The following PREX1 variants were observed in gnomAD, a reference collection of about 807,000 sequenced individuals.
PREX1 encodes the protein phosphatidylinositol 3,4,5-trisphosphate-dependent Rac exchanger 1 protein.
A neutral mutation model predicts 198.3 loss-of-function variants in PREX1; 41 were observed. The ratio of observed to expected loss-of-function variants is 0.21; its 90% CI spans 0.16 to 0.27. PREX1 has a LOEUF of 0.27. PREX1 is among the 10% of genes least tolerant of loss of function. PREX1 has a pLI of 1.00. For synonymous variants in PREX1, 843 were observed against 887.2 expected, an observed-to-expected ratio of 0.95 and a Z score of 0.89; for missense variants, 1,620 against 2,200.7, an observed-to-expected ratio of 0.74 and a Z score of 5.28.
chr20:48,833,806 G>A, the PREX1 span, among the ~76,000 whole-genome samples: 8 of 152,210 alleles, frequency 5.3e-5, no homozygotes, highest in Middle Eastern at 6.8e-3. Context: ...AATGCCAGCC[G>A]GGCGCGGTGG....
intron 30 of PREX1, among the ~76,000 whole-genome samples, chr20:48,639,323 G>A (rs552133783): frequency 6.6e-6 from 1 of 152,332 alleles, no homozygotes; most frequent in South Asian, 2.1e-4. Context: ...TGTCAAGCTG[G>A]AAGCAGAGTC....
chr20:48,852,701 T>C, the PREX1 span, among the ~76,000 whole-genome samples: 32,573 of 152,122 alleles, frequency 0.21, 3,818 homozygotes, highest in African/African-American at 0.31. Flanking sequence ...CACCCAGTGA[T>C]GTATGTACAA....
rs56182314 is a variant in PREX1, at chr20:48,696,606, CACATACATACAT to C, written c.918-3828_918-3817del. On this transcript the variant is annotated intron_variant, in intron 7 of 39. Coordinates refer to ENST00000371941, the MANE Select transcript of PREX1 (RefSeq NM_020820.4). ...AGTCAGCTGATCATTTACACACACACACATACATACATACATACATACATACATACATACACA... is the reference window on the plus strand; with the variant it reads ...AGTCAGCTGATCATTTACACACACACACATACATACATACATACATACACA... 5.4e-3 allele frequency among the ~76,000 whole-genome samples: 772 copies of C among 142,924 alleles called. 4 individuals are homozygous for C. Among genetic ancestry groups the C allele is most frequent in the East Asian group, 0.045 (229 of 5,104 alleles). The allele number at this position is 142,924 out of a possible 152,430, so 93.8% of individuals were successfully genotyped here. A position where few individuals can be genotyped will look rare whatever the true frequency, so the allele number is the denominator to read the frequency against.
At chr20:48,688,894 A>G in intron 9 of PREX1, 90 bp from the exon 10 acceptor site, 2 of 1,509,534 alleles carry the variant, frequency 1.3e-6, no homozygotes, top group African/African-American at 1.4e-5. Flanking sequence ...ACAGCTCCTG[A>G]AAGCTGGCCT....
In PREX1 at chr20:48,630,783, A is replaced by G; in HGVS notation, c.4538T>C (p.Leu1513Pro). ...ATCCGTGGGCAGGTTAGACCGCTCC[A>G]GGTAAAATGCCCTGCGAGAGAAAGA... ...QYYRKLRAFY[L>P]ERSNLPTDAS... Residue 1513 changes from leucine to proline, a missense_variant, in exon 36 of 40, where the codon CTG becomes CCG. Transcript: ENST00000371941. 1.3e-6 allele frequency: 2 copies of G among 1,584,634 alleles called. No individual in the cohort carries two copies. The highest frequency in any genetic ancestry group is 8.7e-7 in the Non-Finnish European group (1 of 1,153,436).
At chr20:48,685,799 C>T (rs978789605) in intron 10 of PREX1, among the ~76,000 whole-genome samples, 4 of 152,100 alleles carry the variant, frequency 2.6e-5, no homozygotes, top group African/African-American at 9.7e-5. Context: ...ACTCAGGAGG[C>T]AGGAAGATCG....
At chr20:48,836,519 G>A in the PREX1 span, among the ~76,000 whole-genome samples, 1 of 152,172 alleles carries the variant, frequency 6.6e-6, no homozygotes, top group African/African-American at 2.4e-5. Flanking sequence ...TCGTGAAATA[G>A]ACAGAGGGCA....
chr20:48,854,796 C>T, the PREX1 span, among the ~76,000 whole-genome samples: 823 of 152,284 alleles, frequency 5.4e-3, 8 homozygotes, highest in African/African-American at 0.019. Flanking sequence ...CTAGAGCCTC[C>T]GCTCTTAACC....
chr20:48,703,344 C>T (rs559301829), intron 6 of PREX1, among the ~76,000 whole-genome samples: 13 of 152,340 alleles, frequency 8.5e-5, no homozygotes, highest in Admixed American at 3.9e-4. Flanking sequence ...TCACGGCCTT[C>T]GGCTTGGCTG....
At chr20:48,743,694 G>A (rs2090092972) in intron 3 of PREX1, among the ~76,000 whole-genome samples, 1 of 152,242 alleles carries the variant, frequency 6.6e-6, no homozygotes, top group South Asian at 2.1e-4. Flanking sequence ...TCCTCACAAT[G>A]TCCTGGATTT....
At chr20:48,765,139 T>G (rs1473290040) in intron 1 of PREX1, among the ~76,000 whole-genome samples, 1 of 152,248 alleles carries the variant, frequency 6.6e-6, no homozygotes, top group Non-Finnish European at 1.5e-5. Flanking sequence ...TGTATCTCCA[T>G]GAATCACGGC....
the PREX1 span, among the ~76,000 whole-genome samples, chr20:48,886,466 C>T: frequency 6.6e-6 from 1 of 152,158 alleles, no homozygotes; most frequent in African/African-American, 2.4e-5. Context: ...ATACCCCCAC[C>T]ATGGAACCAC....
chr20:48,688,971 C>T (rs755701894), intron 9 of PREX1, among the ~76,000 whole-genome samples, 167 bp from the exon 10 acceptor site: 2 of 152,210 alleles, frequency 1.3e-5, no homozygotes, highest in South Asian at 2.1e-4. Context: ...CACTGACTGT[C>T]GCTGCCCTAG....
At chr20:48,758,208 C>T (rs1601117808) in intron 1 of PREX1, among the ~76,000 whole-genome samples, 1 of 152,316 alleles carries the variant, frequency 6.6e-6, no homozygotes, top group East Asian at 1.9e-4. Context: ...GTGTGGAACG[C>T]ACACCTCACA....
At position 48,735,258 on chromosome 20, in the gene PREX1, C is replaced by T. The variant is rs563893629; in HGVS notation, c.415-608G>A. ...CCCGCCAAACCCTAAACAAGGATGG[C>T]GTGGGTGAGGTCACTGGAGGAGGAA... On this transcript the variant is annotated intron_variant, in intron 3 of 39. Coordinates refer to ENST00000371941, the MANE Select transcript of PREX1 (RefSeq NM_020820.4). Among the ~76,000 whole-genome samples the T allele has an allele frequency of 4.5e-4, 68 of 152,190 alleles. 1 individual carries two copies. The highest frequency in any genetic ancestry group is 1.6e-3 in the African/African-American group (67 of 41,520).
At chr20:48,789,273 T>G (rs1316434554) in intron 1 of PREX1, among the ~76,000 whole-genome samples, 1 of 152,206 alleles carries the variant, frequency 6.6e-6, no homozygotes, top group African/African-American at 2.4e-5. Flanking sequence ...ATCTGCTTCC[T>G]CAACATCTCC....
the PREX1 span, among the ~76,000 whole-genome samples, chr20:48,885,176 T>C: frequency 6.3e-3 from 961 of 152,308 alleles, 10 homozygotes; most frequent in African/African-American, 0.022. Context: ...CTAGCCACTA[T>C]CATCATCATC....
At chr20:48,728,031 G>A (rs891364567) in intron 4 of PREX1, among the ~76,000 whole-genome samples, 1 of 152,058 alleles carries the variant, frequency 6.6e-6, no homozygotes, top group Admixed American at 6.5e-5. Context: ...ACTAATGAAG[G>A]AACCACCCAC....
chr20:48,646,573 C>T (rs556434016), intron 25 of PREX1, among the ~76,000 whole-genome samples: 1 of 151,838 alleles, frequency 6.6e-6, no homozygotes, highest in Non-Finnish European at 1.5e-5. Context: ...TGCCTGTAAT[C>T]CCAGCTACTC....
Sources: allele counts gnomAD v4.1 joint callset (sites outside exome capture counted in the v4.1 genomes callset), GRCh38; gene constraint gnomAD v4.1.1; transcripts MANE v1.5; gene names NCBI Gene and HGNC (gene_info 2026-07-23, HGNC 2026-07-21).